NLRP6: variants seen among roughly 807,000 people sequenced by gnomAD.
NLRP6 encodes the protein NLR family pyrin domain containing 6.
Under a neutral mutation model 70.9 loss-of-function variants are expected in NLRP6, and 55 were observed. The ratio of observed to expected loss-of-function variants is 0.78; its 90% CI spans 0.62 to 0.97. The LOEUF (loss-of-function observed/expected upper bound fraction) is 0.97. Among genes scored for constraint, NLRP6 ranks in the 50% least tolerant of loss-of-function variants. NLRP6 has a pLI of 0.00. For synonymous variants in NLRP6, 652 were observed against 581.9 expected (o/e 1.12, Z -1.73); for missense variants, 1,241 against 1,238.3 (o/e 1.00, Z -0.03).
Position 281,051 on chromosome 11 carries a change from G to A in NLRP6, c.1317G>A (p.Gln439=). ...SAPVADGPRL[Q]GDLRNLCRLA... ...CGGTAGCCGACGGGCCCCGGTTGCA[G>A]GGCGACCTGCGCAATCTGTGCCGCC... Residue 439 remains glutamine (Q), a synonymous_variant, in exon 4 of 8, where the codon CAG becomes CAA. Transcript: ENST00000534750. The A allele has an allele frequency of 6.2e-7, 1 of 1,612,988 alleles. No homozygotes were observed. Among genetic ancestry groups the A allele is most frequent in the Non-Finnish European group, 8.5e-7 (1 of 1,179,926 alleles).
rs368461846 is a variant in NLRP6, at chr11:282,833, G to A, written c.2198+36G>A. 143 of 1,477,872 alleles carry A rather than the reference G, an allele frequency of 9.7e-5. 1 individual carries two copies. In the South Asian group the frequency reaches 1.2e-3, roughly 13 times the overall value. The allele number at this position is 1,477,872 out of a possible 1,614,324, so 91.5% of individuals were successfully genotyped here. A position where few individuals can be genotyped will look rare whatever the true frequency, so the allele number is the denominator to read the frequency against. On this transcript the variant is annotated intron_variant, in intron 5 of 7. Transcript: ENST00000534750. ...ACACCCCCAGCTCTTCCCACGGAGC[G>A]GGCTGAGAGCAGGATGCCCTGGGCA...
chr11:279,368 C>T lies in NLRP6; in HGVS notation c.71C>T (p.Ala24Val). Reference sequence around the variant, plus strand: ...GCGGTGGCCCGCGAGCTGCTCCTGGCTGCGCTGGAGGAACTGAGCCAAGAG... The same window carrying T: ...GCGGTGGCCCGCGAGCTGCTCCTGGTTGCGCTGGAGGAACTGAGCCAAGAG... Reference protein sequence around the residue: ...RLAVARELLLAALEELSQEQL... With the variant: ...RLAVARELLLVALEELSQEQL... Residue 24 changes from alanine (A) to valine (V), a missense_variant, in exon 2 of 8, where the codon GCT (alanine) becomes GTT (valine). Transcript: ENST00000534750. 7.6e-7 allele frequency: 1 copy of T among 1,311,436 alleles called. No individual in the cohort carries two copies. The highest frequency in any genetic ancestry group is 9.7e-7 in the Non-Finnish European group (1 of 1,030,524). 81.2% of individuals were successfully genotyped at this position (1,311,436 alleles called of 1,614,324 possible).
Position 285,212 on chromosome 11 carries a change from G to A in NLRP6, c.2584G>A (p.Ala862Thr). Residue 862 changes from alanine (A) to threonine (T), a missense_variant, in exon 8 of 8, where the codon GCT becomes ACT. Coordinates refer to ENST00000534750, the MANE Select transcript of NLRP6 (RefSeq NM_001276700.2). ...CGAGCAGTCACTACAGGAGCTTCAG[G>A]CTGTGAAGAGAGCAAAGCCGGATCT... is the stretch of plus-strand genomic sequence containing the variant. ...LSEQSLQELQ[A>T]VKRAKPDLVI... 1 of 1,599,666 alleles carries A rather than the reference G, an allele frequency of 6.3e-7. No homozygotes were observed. The highest frequency in any genetic ancestry group is 2.3e-5 in the East Asian group (1 of 44,342).
chr11:285,184 G>A lies in NLRP6; in HGVS notation c.2556G>A (p.Leu852=), dbSNP rs1306558438. The change falls in exon 8 of 8, where the codon CTG becomes CTA. Residue 852 remains leucine, a synonymous_variant. Transcript: ENST00000534750. ...GCTGCAGTCTGGCCTCTGTGGAGCT[G>A]AGCGAGCAGTCACTACAGGAGCTTC... ...LQTLSLASVE[L]SEQSLQELQA... is the part of the protein sequence containing the mutation. The A allele has an allele frequency of 1.9e-6, 3 of 1,590,834 alleles. No homozygotes were observed. Among genetic ancestry groups the A allele is most frequent in the Admixed American group, 1.8e-5 (1 of 56,856 alleles).
At chr11:283,315 T>TC (rs1184021532) in intron 5 of NLRP6, among the ~76,000 whole-genome samples, 1 of 146,962 alleles carries the variant, frequency 6.8e-6, no homozygotes, top group African/African-American at 2.5e-5. Flanking sequence ...ACAGTTCTTT[T>TC]TTTTTTTTTT....
In NLRP6 at chr11:279,690, G is replaced by T. The variant is rs1400056184; in HGVS notation, c.310+83G>T. 7.4e-6 allele frequency: 10 copies of T among 1,351,972 alleles called. No individual in the cohort carries two copies. The Admixed American group carries it at 3.3e-4, about 45-fold the overall frequency. 83.7% of individuals were successfully genotyped at this position (1,351,972 alleles called of 1,614,324 possible). On this transcript the variant is annotated intron_variant, in intron 2 of 7. Coordinates refer to ENST00000534750, the MANE Select transcript of NLRP6 (RefSeq NM_001276700.2). ...CCGCTTCCCGGAGAAGCCCCGGCGCGGTCCCCGGCCCCCGCGCGTTTTATC... is the reference window on the plus strand; with the variant it reads ...CCGCTTCCCGGAGAAGCCCCGGCGCTGTCCCCGGCCCCCGCGCGTTTTATC...
chr11:284,496 G>A lies in NLRP6; in HGVS notation c.2391G>A (p.Gln797=). ...ACAGGGTACAGCTGCCTGACCCCCA[G>A]CGAGGGCTCCAGTACCTGGTGGGTA... is the stretch of plus-strand genomic sequence containing the variant. ...QTVRVQLPDP[Q]RGLQYLVGML... is the part of the protein sequence containing the mutation. Residue 797 remains glutamine, a synonymous_variant, in exon 7 of 8, where the codon CAG becomes CAA. Coordinates refer to ENST00000534750, the MANE Select transcript of NLRP6 (RefSeq NM_001276700.2). 6.2e-7 allele frequency: 1 copy of A among 1,612,948 alleles called. No homozygotes were observed. Among genetic ancestry groups the A allele is most frequent in the African/African-American group, 1.3e-5 (1 of 75,026 alleles).
At chr11:284,701 G>A (rs113333221) in intron 7 of NLRP6, 59 bp downstream of exon 7, 15 of 1,494,354 alleles carry the variant, frequency 1.0e-5, no homozygotes, top group Middle Eastern at 2.3e-4. Context: ...GGGAGGGGGA[G>A]GGTGCCTGGG....
chr11:279,344 C>T lies in NLRP6; in HGVS notation c.47C>T (p.Ala16Val). 1 of 1,290,872 alleles carries T rather than the reference C, an allele frequency of 7.7e-7. No homozygotes were observed. The highest frequency in any genetic ancestry group is 9.8e-7 in the Non-Finnish European group (1 of 1,018,886). 80.0% of individuals were successfully genotyped at this position (1,290,872 alleles called of 1,614,324 possible). ...APCSSTGPRL[A>V]VARELLLAAL... ...GCCTCCAGCACGGGGCCGCGCCTCG[C>T]GGTGGCCCGCGAGCTGCTCCTGGCT... Residue 16 changes from alanine (A) to valine (V), a missense_variant, in exon 2 of 8, where the codon GCG becomes GTG. Coordinates refer to ENST00000534750, the MANE Select transcript of NLRP6 (RefSeq NM_001276700.2).
Position 284,561 on chromosome 11 carries a change from G to A in NLRP6, c.2456G>A (p.Ser819Asn), listed in dbSNP as rs1845530733. Residue 819 changes from serine (S) to asparagine (N), a missense_variant, in exon 7 of 8, where the codon AGC becomes AAC. Ser to Asn is a conservative substitution (Grantham distance 46). Transcript: ENST00000534750. The part of the protein sequence containing the change: ...QSPALTTLDL[S>N]GCQLPAPMVT... The stretch of plus-strand genomic sequence containing the variant: ...CCTGCCCTGACCACCCTGGATCTCA[G>A]CGGCTGCCAACTGCCCGCCCCCATG... 1.9e-6 allele frequency: 3 copies of A among 1,612,632 alleles called. No individual in the cohort carries two copies. The highest frequency in any genetic ancestry group is 2.5e-6 in the Non-Finnish European group (3 of 1,179,836).
intron 2 of NLRP6, 94 bp downstream of exon 2, chr11:279,701 C>G: frequency 7.4e-7 from 1 of 1,346,212 alleles, no homozygotes; most frequent in Non-Finnish European, 9.6e-7. Context: ...GTCCCCGGCC[C>G]CCGCGCGTTT....
At position 278,720 on chromosome 11, in the gene NLRP6, C is replaced by G; in HGVS notation, c.29+122C>G. 1.5e-6 allele frequency: 1 copy of G among 674,766 alleles called. No homozygotes were observed. The highest frequency in any genetic ancestry group is 2.4e-6 in the Non-Finnish European group (1 of 423,992). The allele number at this position is 674,766 out of a possible 1,614,324, so 41.8% of individuals were successfully genotyped here. On this transcript the variant is annotated intron_variant, in intron 1 of 7. Coordinates refer to ENST00000534750, the MANE Select transcript of NLRP6 (RefSeq NM_001276700.2). The surrounding 1 kb of genome is among the most constrained non-coding windows in gnomAD (Gnocchi z 4.7). The stretch of plus-strand genomic sequence containing the variant: ...TGTCCACATCCTTCCCCCACCCTCA[C>G]TCCCAGGCTCAGGAGCCAAGCACTG...
At position 281,630 on chromosome 11, in the gene NLRP6, G is replaced by A. The variant is rs767486382; in HGVS notation, c.1896G>A (p.Ala632=). Reference sequence around the variant, plus strand: ...GCCTGTACGAGACGCAGGAGGACGCGTTTGTGCGCCAAGCCCTGTGCCGGT... The same window carrying A: ...GCCTGTACGAGACGCAGGAGGACGCATTTGTGCGCCAAGCCCTGTGCCGGT... ...LYCLYETQED[A]FVRQALCRFP... The change falls in exon 4 of 8, where the codon GCG becomes GCA. Residue 632 remains alanine, a synonymous_variant. Transcript: ENST00000534750. The A allele has an allele frequency of 1.4e-5, 23 of 1,612,946 alleles. No individual in the cohort carries two copies. Among genetic ancestry groups the A allele is most frequent in the African/African-American group, 5.3e-5 (4 of 74,936 alleles).
In NLRP6 at chr11:281,464, G is replaced by C. The variant is rs748222087; in HGVS notation, c.1730G>C (p.Arg577Pro). 3.8e-6 allele frequency: 6 copies of C among 1,597,960 alleles called. No homozygotes were observed. Among genetic ancestry groups the C allele is most frequent in the Non-Finnish European group, 5.1e-6 (6 of 1,170,812 alleles). ...VSERVKQEAL[R>P]WVQGQGQGCP... ...GAGCGTGTGAAGCAGGAGGCCCTGC[G>C]GTGGGTGCAGGGACAGGGACAGGGC... Residue 577 changes from arginine (R) to proline (P), a missense_variant, in exon 4 of 8, where the codon CGG becomes CCG. By Grantham distance (103) the Arg-to-Pro change is moderately radical (BLOSUM62 -2). Transcript: ENST00000534750.
rs563626864 is a variant in NLRP6, at chr11:280,512, C to G, written c.778C>G (p.Arg260Gly). Residue 260 changes from arginine to glycine, a missense_variant, in exon 4 of 8, where the codon CGC becomes GGC. By Grantham distance (125) the Arg-to-Gly change is moderately radical. Transcript: ENST00000534750. ...CCTGATCCTGGACCAGTGCCCCGAC[C>G]GCGGCGCGCCGGTGCCGCAGATGCT... ...ADLILDQCPD[R>G]GAPVPQMLAQ... The G allele has an allele frequency of 7.4e-5, 116 of 1,571,980 alleles. 1 individual carries two copies. The South Asian group carries it at 1.2e-3, about 16-fold the overall frequency.
chr11:282,840 G>C (rs1845498450), intron 5 of NLRP6, 43 bp downstream of exon 5: 1 of 1,408,434 alleles, frequency 7.1e-7, no homozygotes, highest in African/African-American at 1.4e-5. Flanking sequence ...AGCGGGCTGA[G>C]AGCAGGATGC....
chr11:281,632 T>C lies in NLRP6; in HGVS notation c.1898T>C (p.Phe633Ser), dbSNP rs750393730. The C allele has an allele frequency of 6.2e-7, 1 of 1,613,060 alleles. No homozygotes were observed. The highest frequency in any genetic ancestry group is 1.1e-5 in the South Asian group (1 of 91,016). ...CTGTACGAGACGCAGGAGGACGCGTTTGTGCGCCAAGCCCTGTGCCGGTTC... is the reference window on the plus strand; with the variant it reads ...CTGTACGAGACGCAGGAGGACGCGTCTGTGCGCCAAGCCCTGTGCCGGTTC... ...YCLYETQEDA[F>S]VRQALCRFPE... Residue 633 changes from phenylalanine to serine, a missense_variant, in exon 4 of 8, where the codon TTT (phenylalanine) becomes TCT (serine). Transcript: ENST00000534750.
rs895701132 is a variant in NLRP6 at position 279,000 on chromosome 11, TC to T, written c.30-325del. On this transcript the variant is annotated intron_variant, in intron 1 of 7. Transcript: ENST00000534750. The surrounding 1 kb of genome is among the most constrained non-coding windows in gnomAD (Gnocchi z 4.7). ...TACCTCCCTCGGGGCATGTGACCTG[TC>T]CTGGGGTGTGGAAGGACAGAAGCAG... 3 of 350,996 alleles carry T rather than the reference TC, an allele frequency of 8.5e-6. No homozygotes were observed. The highest frequency in any genetic ancestry group is 6.3e-5 in the African/African-American group (3 of 47,306). The allele number at this position is 350,996 out of a possible 1,614,324, so 21.7% of individuals were successfully genotyped here.
Position 281,036 on chromosome 11 carries a change from C to G in NLRP6, c.1302C>G (p.Asp434Glu). 2 of 1,613,038 alleles carry G rather than the reference C, an allele frequency of 1.2e-6. No individual in the cohort carries two copies. Among genetic ancestry groups the G allele is most frequent in the South Asian group, 2.2e-5 (2 of 91,086 alleles). The change falls in exon 4 of 8, where the codon GAC becomes GAG. Residue 434 changes from aspartate to glutamate, a missense_variant. By Grantham distance (45) the Asp-to-Glu change is conservative. Transcript: ENST00000534750. ...TTCTGAGCTCGGCTCCGGTAGCCGA[C>G]GGGCCCCGGTTGCAGGGCGACCTGC... ...TSVLSSAPVA[D>E]GPRLQGDLRN...
Sources: allele counts gnomAD v4.1 joint callset (sites outside exome capture counted in the v4.1 genomes callset), GRCh38; gene constraint gnomAD v4.1.1; non-coding constraint Gnocchi (gnomAD v3.1); transcripts MANE v1.5; gene names NCBI Gene and HGNC (gene_info 2026-07-23, HGNC 2026-07-21).